The following AAGAB variants were observed in gnomAD, a reference collection of about 807,000 sequenced individuals.
AAGAB encodes alpha- and gamma-adaptin-binding protein p34.
A neutral mutation model predicts 44.1 loss-of-function variants in AAGAB; 38 were observed. That is an observed-to-expected ratio of 0.86 (90% CI 0.67 to 1.13). The LOEUF (loss-of-function observed/expected upper bound fraction) is 1.13. Ranked by LOEUF, AAGAB falls within the 50% of genes most tolerant of loss-of-function variation. The pLI, the probability that AAGAB is intolerant of heterozygous loss-of-function variation, is 0.00. For synonymous variants in AAGAB, 131 were observed against 131.8 expected (o/e 0.99, Z 0.04); for missense variants, 450 against 373.8 (o/e 1.20, Z -1.68).
At chr15:67,239,018 A>G (rs1211169854) in intron 1 of AAGAB, among the ~76,000 whole-genome samples, 2 of 152,224 alleles carry the variant, frequency 1.3e-5, no homozygotes, top group African/African-American at 2.4e-5. Context: ...TTTTAAAAAT[A>G]GCAAACTGAG....
chr15:67,236,221 C>T (rs1332945991), intron 3 of AAGAB, among the ~76,000 whole-genome samples, 153 bp from the exon 4 acceptor site: 12 of 151,930 alleles, frequency 7.9e-5, no homozygotes, highest in Admixed American at 7.9e-4. Context: ...ACTTCTCAGC[C>T]CCGAAGTATC....
chr15:67,246,631 C>A (rs1359650414), intron 1 of AAGAB, among the ~76,000 whole-genome samples: 4 of 151,786 alleles, frequency 2.6e-5, no homozygotes, highest in Non-Finnish European at 5.9e-5. Flanking sequence ...GTAAACACAC[C>A]AATCAGCACT....
At chr15:67,248,600 A>C (rs1471138137) in intron 1 of AAGAB, among the ~76,000 whole-genome samples, 2 of 152,232 alleles carry the variant, frequency 1.3e-5, no homozygotes, top group African/African-American at 2.4e-5. Flanking sequence ...AATAGCCTCT[A>C]CCTTTGAAAT....
At chr15:67,219,500 A>G (rs1688208752) in intron 5 of AAGAB, among the ~76,000 whole-genome samples, 2 of 152,178 alleles carry the variant, frequency 1.3e-5, no homozygotes, top group South Asian at 4.1e-4. Context: ...GAACAAAATC[A>G]TGTCCTTTAC....
intron 5 of AAGAB, among the ~76,000 whole-genome samples, chr15:67,215,560 C>T (rs1161882807): frequency 6.6e-6 from 1 of 152,192 alleles, no homozygotes; most frequent in East Asian, 1.9e-4. Flanking sequence ...CCCTTCCCTG[C>T]ACAAAATGTT....
chr15:67,205,035 T>G (rs1271042996), intron 7 of AAGAB, among the ~76,000 whole-genome samples: 2 of 152,234 alleles, frequency 1.3e-5, no homozygotes, highest in African/African-American at 4.8e-5. Flanking sequence ...CCACTGCATC[T>G]TTGCAACAGC....
chr15:67,231,875 TC>T lies in AAGAB; in HGVS notation c.473del (p.Gly158GlufsTer2), dbSNP rs781596375. On this transcript the variant is annotated frameshift_variant, in exon 5 of 10. Coordinates refer to ENST00000261880, the MANE Select transcript of AAGAB (RefSeq NM_024666.5). LOFTEE classifies it high-confidence loss of function. Reference sequence around the variant, plus strand: ...TCAGGGCTTGGACAATTCGCTTTACTCCTGTAGATTCTGGGAAGTCATCTAA... The same window carrying T: ...TCAGGGCTTGGACAATTCGCTTTACTCTGTAGATTCTGGGAAGTCATCTAA... ...EEDDDFPEST[G>X]VKRIVQALNA... 20 of 1,611,404 alleles carry T rather than the reference TC, an allele frequency of 1.2e-5. No homozygotes were observed. The highest frequency in any genetic ancestry group is 4.5e-5 in the East Asian group (2 of 44,824).
chr15:67,204,633 G>GA (rs943931373), intron 7 of AAGAB, among the ~76,000 whole-genome samples: 8 of 150,536 alleles, frequency 5.3e-5, no homozygotes, highest in South Asian at 4.2e-4. Flanking sequence ...GAAATGATAT[G>GA]AAAAAAAAAC....
rs1190121685 is a variant in AAGAB at position 67,201,281 on chromosome 15, C to G, written c.*1540G>C. On this transcript the variant is annotated 3_prime_UTR_variant, in exon 10 of 10. Transcript: ENST00000261880. ...ACCACAGACTCAAAGTCTTTCAGAA[C>G]AGTAAAAGAAAAAAAAAAAAAAAGG... 1 of 126,666 alleles carries G rather than the reference C, an allele frequency of 7.9e-6. No individual in the cohort carries two copies. The highest frequency in any genetic ancestry group is 1.7e-5 in the Non-Finnish European group (1 of 60,514). The allele number at this position is 126,666 out of a possible 1,614,324, so 7.8% of individuals were successfully genotyped here. A position where few individuals can be genotyped will look rare whatever the true frequency, so the allele number is the denominator to read the frequency against.
At chr15:67,229,566 A>G (rs1008932833) in intron 5 of AAGAB, among the ~76,000 whole-genome samples, 21 of 152,132 alleles carry the variant, frequency 1.4e-4, no homozygotes, top group African/African-American at 4.8e-4. Context: ...AACAGACACA[A>G]TAAGATTCCT....
intron 1 of AAGAB, among the ~76,000 whole-genome samples, chr15:67,241,071 A>ACAT (rs57495867): frequency 4.7e-5 from 7 of 148,884 alleles, no homozygotes; most frequent in African/African-American, 1.5e-4. Context: ...ACACACACAC[A>ACAT]TTTTATCTAT....
Position 67,222,242 on chromosome 15 carries a change from G to GCGCACACACACACACA in AAGAB, c.535+9571_535+9572insTGTGTGTGTGTGTGCG, listed in dbSNP as rs1367738219. Among the ~76,000 whole-genome samples, 480 of 90,072 alleles carry GCGCACACACACACACA rather than the reference G, an allele frequency of 5.3e-3. 4 individuals are homozygous for GCGCACACACACACACA. Among genetic ancestry groups the GCGCACACACACACACA allele is most frequent in the Admixed American group, 7.9e-3 (56 of 7,048 alleles). The allele number at this position is 90,072 out of a possible 152,430, so 59.1% of individuals were successfully genotyped here. A position where few individuals can be genotyped will look rare whatever the true frequency, so the allele number is the denominator to read the frequency against. On this transcript the variant is annotated intron_variant, in intron 5 of 9. Coordinates refer to ENST00000261880, the MANE Select transcript of AAGAB (RefSeq NM_024666.5). The stretch of plus-strand genomic sequence containing the variant: ...TGCATGCACGCGCACGCGCGCGCGC[G>GCGCACACACACACACA]CACACACACACACACACACACACAC...
rs118052717 is a variant in AAGAB at position 67,227,750 on chromosome 15, A to G, written c.535+4064T>C. On this transcript the variant is annotated intron_variant, in intron 5 of 9. Transcript: ENST00000261880. ...GTATGACCCACCATATATCCATAGA[A>G]AGCTTTGTCTCTAAAATAAGATGCA... Among the ~76,000 whole-genome samples, 388 of 152,280 alleles carry G rather than the reference A, an allele frequency of 2.5e-3. 5 individuals carry two copies. The highest frequency in any genetic ancestry group is 0.012 in the East Asian group (62 of 5,180).
At chr15:67,229,138 A>G (rs886210603) in intron 5 of AAGAB, among the ~76,000 whole-genome samples, 1 of 152,142 alleles carries the variant, frequency 6.6e-6, no homozygotes, top group Non-Finnish European at 1.5e-5. Context: ...TTGAACCTAA[A>G]ATAAAGGTTG....
At chr15:67,224,643 C>T (rs1026719482) in intron 5 of AAGAB, among the ~76,000 whole-genome samples, 1 of 148,438 alleles carries the variant, frequency 6.7e-6, no homozygotes, top group African/African-American at 2.5e-5. Context: ...TGCAGTGGCG[C>T]GATCTCAGCT....
At chr15:67,243,108 T>C (rs1435560874) in intron 1 of AAGAB, among the ~76,000 whole-genome samples, 3 of 151,772 alleles carry the variant, frequency 2.0e-5, no homozygotes, top group Non-Finnish European at 4.4e-5. Flanking sequence ...CATCTGGAAT[T>C]GGTCACCACA....
chr15:67,248,523 AAC>A (rs965555401), intron 1 of AAGAB, among the ~76,000 whole-genome samples: 1 of 152,234 alleles, frequency 6.6e-6, no homozygotes, highest in African/African-American at 2.4e-5. Context: ...GCTACAGAAA[AAC>A]ACACATTTGA....
Position 67,237,159 on chromosome 15 carries a change from T to G in AAGAB, c.74-339A>C, listed in dbSNP as rs1344203973. Among the ~76,000 whole-genome samples the G allele has an allele frequency of 2.0e-5, 3 of 152,348 alleles. No individual in the cohort carries two copies. In the South Asian group the frequency reaches 6.2e-4, roughly 32 times the overall value. ...AGAATGACAGCTCTATTTATTGTAT[T>G]GCTTAAGTACTTCATAGGAGGTAGA... On this transcript the variant is annotated intron_variant, in intron 1 of 9. Transcript: ENST00000261880.
upstream of AAGAB, chr15:67,254,672 G>A: frequency 6.3e-7 from 1 of 1,575,694 alleles, no homozygotes; most frequent in Non-Finnish European, 8.6e-7. Context: ...AGCCGCTTCC[G>A]CCTTGGGCTG....
Sources: allele counts gnomAD v4.1 joint callset (sites outside exome capture counted in the v4.1 genomes callset), GRCh38; gene constraint gnomAD v4.1.1; transcripts MANE v1.5; gene names NCBI Gene and HGNC (gene_info 2026-07-23, HGNC 2026-07-21).